The following BUB1B variants were observed in gnomAD, a reference collection of about 807,000 sequenced individuals.
The protein encoded by BUB1B is BUB1 mitotic checkpoint serine/threonine kinase B.
BUB1B carries 86 observed loss-of-function variants against 137.7 expected under a neutral mutation model. The observed-to-expected ratio is 0.62, with a 90% CI of 0.52 to 0.75. The LOEUF (loss-of-function observed/expected upper bound fraction) is 0.75, where lower values mean the gene tolerates loss of function less well. Among genes scored for constraint, BUB1B ranks in the 30% least tolerant of loss-of-function variants. BUB1B has a pLI of 0.00. For missense variants in BUB1B, 1,130 were observed against 1,236.9 expected (o/e 0.91, Z 1.30); for synonymous variants, 420 against 417.9 (o/e 1.00, Z -0.06).
chr15:40,165,309 T>C, intron 2 of BUB1B, 113 bp downstream of exon 2: 2 of 1,397,984 alleles, frequency 1.4e-6, no homozygotes, highest in Admixed American at 3.6e-5. Context: ...AAATTGGTAG[T>C]ATGAGAATCT....
intron 2 of BUB1B, among the ~76,000 whole-genome samples, chr15:40,169,691 G>A (rs1003388116): frequency 7.4e-6 from 1 of 135,298 alleles, no homozygotes; most frequent in Non-Finnish European, 1.5e-5. Context: ...TCTGCTCACT[G>A]CAGCCTCTAC....
At chr15:40,172,650 T>C (rs549247510) in intron 4 of BUB1B, among the ~76,000 whole-genome samples, 84 of 150,496 alleles carry the variant, frequency 5.6e-4, no homozygotes, top group African/African-American at 2.1e-3. Context: ...GTGGCAGAGA[T>C]GGAAGAAAAT....
At chr15:40,185,444 T>G in intron 7 of BUB1B, 65 bp downstream of exon 7, 1 of 1,590,662 alleles carries the variant, frequency 6.3e-7, no homozygotes, top group Non-Finnish European at 8.6e-7. Context: ...GGTAGAGAAG[T>G]ATTTTTACCA....
intron 20 of BUB1B, among the ~76,000 whole-genome samples, chr15:40,215,106 C>G (rs1006631790): frequency 3.3e-5 from 5 of 152,178 alleles, no homozygotes; most frequent in African/African-American, 1.2e-4. Flanking sequence ...ATTAAAGAGG[C>G]ATTGCTTTTT....
At chr15:40,220,428 G>A in intron 22 of BUB1B, 136 bp from the exon 23 acceptor site, 2 of 872,396 alleles carry the variant, frequency 2.3e-6, no homozygotes, top group Non-Finnish European at 3.5e-6. Flanking sequence ...AGGACTATTT[G>A]AATGATCTCT....
At chr15:40,193,300 C>G (rs1217086713) in intron 8 of BUB1B, among the ~76,000 whole-genome samples, 1 of 152,110 alleles carries the variant, frequency 6.6e-6, no homozygotes, top group Non-Finnish European at 1.5e-5. Flanking sequence ...TTCTATTGTT[C>G]CACATCCTTG....
intron 19 of BUB1B, among the ~76,000 whole-genome samples, chr15:40,212,892 C>CTAG (rs531810035): frequency 4.1e-4 from 62 of 152,254 alleles, no homozygotes; most frequent in Non-Finnish European, 5.6e-4. Flanking sequence ...CTCCCATGAA[C>CTAG]TAGTCATCTA....
Position 40,200,349 on chromosome 15 carries a change from T to C in BUB1B, c.1507T>C (p.Cys503Arg), listed in dbSNP as rs762362984. The change falls in exon 11 of 23, where the codon TGT becomes CGT. Residue 503 changes from cysteine to arginine, a missense_variant. Coordinates refer to ENST00000287598, the MANE Select transcript of BUB1B (RefSeq NM_001211.6). ...TLSSSVCQVN[C>R]CARETSLAEN... Reference sequence around the variant, plus strand: ...ATCCAGTTCTGTTTGTCAAGTAAACTGTTGTGCCAGGTAAGACTACATAGG... The same window carrying C: ...ATCCAGTTCTGTTTGTCAAGTAAACCGTTGTGCCAGGTAAGACTACATAGG... 6.2e-7 allele frequency: 1 copy of C among 1,613,380 alleles called. No homozygotes were observed. The highest frequency in any genetic ancestry group is 2.2e-5 in the East Asian group (1 of 44,838).
Position 40,210,170 on chromosome 15 carries a change from G to GA in BUB1B, c.2345_2346insA (p.Trp782Ter), listed in dbSNP as rs753021884. ...YLICEDYKLF[W>*]VAPRNSAELT... is the part of the protein sequence containing the mutation. ...ATATGTGAAGATTACAAGTTATTCT[G>GA]GGTGGCGCCAAGAAACTCTGCAGAA... Residue 782 changes from tryptophan (W) to a stop codon, truncating the protein, a stop_gained and frameshift_variant, in exon 18 of 23, where the codon TGG (tryptophan) becomes TGAG (stop). Coordinates refer to ENST00000287598, the MANE Select transcript of BUB1B (RefSeq NM_001211.6). LOFTEE classifies it high-confidence loss of function. 1.9e-6 allele frequency: 3 copies of GA among 1,612,244 alleles called. No individual in the cohort carries two copies. Among genetic ancestry groups the GA allele is most frequent in the Non-Finnish European group, 1.7e-6 (2 of 1,178,652 alleles).
intron 4 of BUB1B, among the ~76,000 whole-genome samples, chr15:40,174,155 A>C (rs1000475967): frequency 2.0e-5 from 3 of 152,192 alleles, no homozygotes; most frequent in Admixed American, 1.3e-4. Flanking sequence ...AGAACACCAG[A>C]ACCATTCAGA....
At chr15:40,172,466 C>CT (rs570384400) in intron 4 of BUB1B, among the ~76,000 whole-genome samples, 50 of 151,316 alleles carry the variant, frequency 3.3e-4, no homozygotes, top group South Asian at 1.5e-3. Context: ...TGTATTATAT[C>CT]TTTTTTTTTA....
intron 21 of BUB1B, among the ~76,000 whole-genome samples, chr15:40,218,088 C>T (rs2037825075): frequency 6.6e-6 from 1 of 152,176 alleles, no homozygotes; most frequent in South Asian, 2.1e-4. Context: ...GCAGAAATTC[C>T]TTCTAACTCA....
chr15:40,215,545 G>A (rs1299828168), intron 20 of BUB1B, among the ~76,000 whole-genome samples: 2 of 152,038 alleles, frequency 1.3e-5, no homozygotes, highest in African/African-American at 4.8e-5. Context: ...CGAGGCGGGC[G>A]GATCACGAGG....
chr15:40,189,327 CTT>C (rs939687939), intron 8 of BUB1B, among the ~76,000 whole-genome samples: 4 of 151,978 alleles, frequency 2.6e-5, no homozygotes, highest in African/African-American at 7.2e-5. Context: ...TCCTGGCTAA[CTT>C]TTGTATTTTC....
intron 5 of BUB1B, among the ~76,000 whole-genome samples, chr15:40,177,792 C>CTT (rs763883313): frequency 2.2e-5 from 3 of 137,028 alleles, no homozygotes; most frequent in African/African-American, 8.0e-5. Context: ...TTTATTTAGG[C>CTT]TTTTTTTTTT....
intron 5 of BUB1B, among the ~76,000 whole-genome samples, chr15:40,180,330 T>G (rs1190768278): frequency 6.9e-6 from 1 of 144,998 alleles, no homozygotes; most frequent in Non-Finnish European, 1.5e-5. Flanking sequence ...CGATTTCAGC[T>G]CACTGCAACC....
At chr15:40,203,742 C>T (rs1313218307) in intron 14 of BUB1B, among the ~76,000 whole-genome samples, 1 of 152,092 alleles carries the variant, frequency 6.6e-6, no homozygotes, top group Non-Finnish European at 1.5e-5. Flanking sequence ...TGACATAATA[C>T]TTAAGGTAAA....
chr15:40,183,892 G>A lies in BUB1B; in HGVS notation c.751+9G>A, dbSNP rs372133651. 11 of 1,613,554 alleles carry A rather than the reference G, an allele frequency of 6.8e-6. No individual in the cohort carries two copies. Among genetic ancestry groups the A allele is most frequent in the African/African-American group, 4.0e-5 (3 of 74,814 alleles). ...AGGAGGTGCTCTCAAGGGTAAGTTT[G>A]TTAAACGTTATTTCGGAAAACTGTT... On this transcript the variant is annotated intron_variant, in intron 6 of 22. Coordinates refer to ENST00000287598, the MANE Select transcript of BUB1B (RefSeq NM_001211.6).
At chr15:40,213,896 A>C (rs191092457) in intron 20 of BUB1B, among the ~76,000 whole-genome samples, 1 of 152,362 alleles carries the variant, frequency 6.6e-6, no homozygotes, top group Non-Finnish European at 1.5e-5. Flanking sequence ...TATTATGTTA[A>C]GAGAGTATTT....
Sources: allele counts gnomAD v4.1 joint callset (sites outside exome capture counted in the v4.1 genomes callset), GRCh38; gene constraint gnomAD v4.1.1; transcripts MANE v1.5; gene names NCBI Gene and HGNC (gene_info 2026-07-23, HGNC 2026-07-21).